Variants in ZNF326 observed in about 807,000 individuals in gnomAD.
ZNF326 encodes zinc finger protein 326, also known as DBIRD complex subunit ZNF326.
Under a neutral mutation model 63.1 loss-of-function variants are expected in ZNF326, and 30 were observed. The observed-to-expected ratio is 0.48, with a 90% CI of 0.36 to 0.64. The LOEUF is 0.64. Ranked by LOEUF, ZNF326 falls within the 30% of genes least tolerant of loss-of-function variation. The pLI is 0.00. For missense variants in ZNF326, 609 were observed against 720.3 expected, an observed-to-expected ratio of 0.85 and a Z score of 1.77; for synonymous variants, 194 against 228.2, an observed-to-expected ratio of 0.85 and a Z score of 1.35.
rs763368106 is a variant in ZNF326 at position 90,027,491 on chromosome 1, GGAAGTAGAGGAAGTGGAA to G, written c.1555_1572del (p.Glu519_Val524del). On this transcript the variant is annotated inframe_deletion, in exon 12 of 12. Transcript: ENST00000340281. ...AGGAAGAAGAAGCAGAGGAAGTGGG[GGAAGTAGAGGAAGTGGAA>G]GAAGTAGAGGAAGTGAGAGAAGGAG... The G allele has an allele frequency of 3.7e-6, 6 of 1,613,146 alleles. No individual in the cohort carries two copies. The South Asian group carries it at 4.4e-5, about 12-fold the overall frequency.
At chr1:90,018,022 A>C (rs552387794) in intron 8 of ZNF326, among the ~76,000 whole-genome samples, 32 of 152,342 alleles carry the variant, frequency 2.1e-4, no homozygotes, top group African/African-American at 7.7e-4. Context: ...GGCCGGGCGC[A>C]GTGGCTCACG....
chr1:90,007,899 T>G lies in ZNF326; in HGVS notation c.615+149T>G, dbSNP rs541862514. ...TCATAAACATAATTTTTAGGTTGAC[T>G]GTAAAAGTTTTTCTAGCACCTCAGA... On this transcript the variant is annotated intron_variant, in intron 5 of 11. Transcript: ENST00000340281. This position sits in a 1 kb window ranked among gnomAD's most constrained non-coding sequence, Gnocchi z 4.9. The G allele has an allele frequency of 1.2e-3, 892 of 775,026 alleles. 2 individuals are homozygous for G. Among genetic ancestry groups the G allele is most frequent in the Admixed American group, 1.5e-3 (37 of 24,472 alleles). The allele number at this position is 775,026 out of a possible 1,614,324, so 48.0% of individuals were successfully genotyped here.
chr1:90,018,627 G>A, intron 8 of ZNF326, 58 bp from the exon 9 acceptor site: 1 of 930,126 alleles, frequency 1.1e-6, no homozygotes, highest in Non-Finnish European at 1.7e-6. Flanking sequence ...ATAGTGCTAA[G>A]CATTATACTT....
rs151308109 is a variant in ZNF326, at chr1:90,024,366, C to G, written c.1401+2021C>G. On this transcript the variant is annotated intron_variant, in intron 11 of 11. Coordinates refer to ENST00000340281, the MANE Select transcript of ZNF326 (RefSeq NM_182976.4). Reference sequence around the variant, plus strand: ...TCTGGGCATTGATAATCACCCCTTTCAGTAGGGAATGTTGCCGCTCTCAAA... The same window carrying G: ...TCTGGGCATTGATAATCACCCCTTTGAGTAGGGAATGTTGCCGCTCTCAAA... Among the ~76,000 whole-genome samples the G allele has an allele frequency of 3.6e-3, 555 of 152,284 alleles. 4 individuals carry two copies. Among genetic ancestry groups the G allele is most frequent in the African/African-American group, 0.013 (524 of 41,552 alleles).
Position 90,025,263 on chromosome 1 carries a change from G to A in ZNF326, c.1402-2091G>A, listed in dbSNP as rs115802295. On this transcript the variant is annotated intron_variant, in intron 11 of 11. Transcript: ENST00000340281. Reference sequence around the variant, plus strand: ...GCCCTTTTTTAGGCTTTCTGAATTAGGGTTTCCCAAACTTCACTGATAAAT... The same window carrying A: ...GCCCTTTTTTAGGCTTTCTGAATTAAGGTTTCCCAAACTTCACTGATAAAT... Among the ~76,000 whole-genome samples the A allele has an allele frequency of 6.8e-3, 1,034 of 152,114 alleles. 8 individuals are homozygous for A. The highest frequency in any genetic ancestry group is 0.024 in the African/African-American group (995 of 41,492).
rs1304942676 is a variant in ZNF326, at chr1:90,035,001, T to C, written c.*7300T>C. ...TTTATTACTTTAACTTAAAAAAAAA[T>C]ACCATAAGCTTGATAGATGCTCGAA... On this transcript the variant is annotated 3_prime_UTR_variant, in exon 12 of 12. Coordinates refer to ENST00000340281, the MANE Select transcript of ZNF326 (RefSeq NM_182976.4). The C allele has an allele frequency of 6.6e-6, 1 of 152,096 alleles. No individual in the cohort carries two copies. The highest frequency in any genetic ancestry group is 2.4e-5 in the African/African-American group (1 of 41,420). 9.4% of individuals were successfully genotyped at this position (152,096 alleles called of 1,614,324 possible). A position where few individuals can be genotyped will look rare whatever the true frequency, so the allele number is the denominator to read the frequency against.
chr1:90,021,982 G>A (rs1649790719), intron 10 of ZNF326, among the ~76,000 whole-genome samples: 3 of 152,018 alleles, frequency 2.0e-5, no homozygotes, highest in Admixed American at 2.0e-4. Context: ...GATGTGGAGT[G>A]GAAAGAAGAG....
At chr1:90,001,501 C>T (rs116108347) in intron 2 of ZNF326, among the ~76,000 whole-genome samples, 56 of 151,954 alleles carry the variant, frequency 3.7e-4, no homozygotes, top group African/African-American at 1.2e-3. Context: ...AAAGTAGTCC[C>T]ACTCAAGACT....
At chr1:90,006,574 G>T in intron 4 of ZNF326, 1 of 676,414 alleles carries the variant, frequency 1.5e-6, no homozygotes, top group Non-Finnish European at 1.8e-6. Context: ...ATAATTTCCT[G>T]AAGGAAATAA....
At chr1:90,003,066 A>G (rs1486527224) in intron 2 of ZNF326, among the ~76,000 whole-genome samples, 6 of 151,902 alleles carry the variant, frequency 3.9e-5, no homozygotes, top group African/African-American at 1.5e-4. Context: ...GAAAGCATGA[A>G]TTTTATCCTT....
At chr1:90,006,426 A>G in intron 4 of ZNF326, 4 of 985,374 alleles carry the variant, frequency 4.1e-6, no homozygotes, top group Non-Finnish European at 4.8e-6. Flanking sequence ...CCTTTATAAA[A>G]TTGTGTTGTA....
rs199846168 is a variant in ZNF326, at chr1:90,013,253, C to A, written c.926+16C>A. 26 of 1,506,560 alleles carry A rather than the reference C, an allele frequency of 1.7e-5. No homozygotes were observed. The highest frequency in any genetic ancestry group is 2.4e-5 in the East Asian group (1 of 42,220). 93.3% of individuals were successfully genotyped at this position (1,506,560 alleles called of 1,614,324 possible). A position where few individuals can be genotyped will look rare whatever the true frequency, so the allele number is the denominator to read the frequency against. The stretch of plus-strand genomic sequence containing the variant: ...ATGGATACAGGTTTGTACTTAGAGT[C>A]AGAAAATTAGGTTCATTAAAAAATG... On this transcript the variant is annotated intron_variant, in intron 7 of 11. Coordinates refer to ENST00000340281, the MANE Select transcript of ZNF326 (RefSeq NM_182976.4).
intron 2 of ZNF326, among the ~76,000 whole-genome samples, chr1:89,999,833 G>C (rs1186726524): frequency 6.6e-6 from 1 of 151,388 alleles, no homozygotes; most frequent in Non-Finnish European, 1.5e-5. Context: ...GTGCCTGCTG[G>C]GCATCAGATA....
chr1:90,020,976 T>C, intron 10 of ZNF326, 54 bp downstream of exon 10: 2 of 1,588,742 alleles, frequency 1.3e-6, no homozygotes, highest in Non-Finnish European at 1.7e-6. Context: ...CAATCTTTTA[T>C]TGTTCTTTGG....
At position 90,009,530 on chromosome 1, in the gene ZNF326, T is replaced by C. The variant is rs1355716775; in HGVS notation, c.616-558T>C. 2.0e-5 allele frequency among the ~76,000 whole-genome samples: 3 copies of C among 152,194 alleles called. No homozygotes were observed. In the East Asian group the frequency reaches 5.8e-4, roughly 29 times the overall value. The stretch of plus-strand genomic sequence containing the variant: ...GCAATTCTTTATCTGAAGTGTGTCT[T>C]GGAAGTTGATGCATGGTTATGCTTT... On this transcript the variant is annotated intron_variant, in intron 5 of 11. Transcript: ENST00000340281.
chr1:90,029,984 C>T lies in ZNF326; in HGVS notation c.*2283C>T, dbSNP rs1386949279. On this transcript the variant is annotated 3_prime_UTR_variant, in exon 12 of 12. Coordinates refer to ENST00000340281, the MANE Select transcript of ZNF326 (RefSeq NM_182976.4). ...AGGATGTATATAAGATCTTAAACGCCTTTCAACTTCTGTTTTCAAGTATCA... is the reference window on the plus strand; with the variant it reads ...AGGATGTATATAAGATCTTAAACGCTTTTCAACTTCTGTTTTCAAGTATCA... 3 of 152,148 alleles carry T rather than the reference C, an allele frequency of 2.0e-5. No individual in the cohort carries two copies. Among genetic ancestry groups the T allele is most frequent in the African/African-American group, 7.2e-5 (3 of 41,438 alleles). 9.4% of individuals were successfully genotyped at this position (152,148 alleles called of 1,614,324 possible).
At chr1:90,011,301 A>G (rs1335113956) in intron 6 of ZNF326, among the ~76,000 whole-genome samples, 1 of 152,200 alleles carries the variant, frequency 6.6e-6, no homozygotes, top group African/African-American at 2.4e-5. Context: ...AGGTCTTGCT[A>G]TGCTATAGTA....
intron 2 of ZNF326, among the ~76,000 whole-genome samples, chr1:90,002,351 AC>A (rs1415025110): frequency 6.6e-6 from 1 of 152,210 alleles, no homozygotes; most frequent in Non-Finnish European, 1.5e-5. Flanking sequence ...AATAAATAGA[AC>A]AAAAAACTAA....
At chr1:90,006,103 A>G (rs1277477687) in intron 4 of ZNF326, 8 of 985,318 alleles carry the variant, frequency 8.1e-6, no homozygotes, top group Non-Finnish European at 9.6e-6. Context: ...GATGGACTGA[A>G]TGATGCTTAC....
Sources: allele counts gnomAD v4.1 joint callset (sites outside exome capture counted in the v4.1 genomes callset), GRCh38; gene constraint gnomAD v4.1.1; non-coding constraint Gnocchi (gnomAD v3.1); transcripts MANE v1.5; gene names NCBI Gene and HGNC (gene_info 2026-07-23, HGNC 2026-07-21).